The following GALNT13 variants were observed in gnomAD, a reference collection of about 807,000 sequenced individuals.
GALNT13 encodes polypeptide N-acetylgalactosaminyltransferase 13, also known as UDP-GalNAc:polypeptide N-acetylgalactosaminyltransferase 13.
In GALNT13, 28 loss-of-function variants were observed where a neutral mutation model predicts 64.2. The ratio of observed to expected loss-of-function variants is 0.44; its 90% CI spans 0.32 to 0.60. The LOEUF (loss-of-function observed/expected upper bound fraction) is 0.60. Ranked by LOEUF, GALNT13 falls within the 20% of genes least tolerant of loss-of-function variation. The pLI is 0.05. For missense variants in GALNT13, 577 were observed against 669.8 expected (o/e 0.86, Z 1.53); for synonymous variants, 214 against 224.6 (o/e 0.95, Z 0.42).
chr2:153,538,362 ATTTTATTTAT>A, the GALNT13 span, among the ~76,000 whole-genome samples: 35 of 59,996 alleles, frequency 5.8e-4, no homozygotes, highest in African/African-American at 2.3e-3. Context: ...ATTTATTTTT[ATTTTATTTAT>A]TTTATTTTAT....
intron 4 of GALNT13, among the ~76,000 whole-genome samples, chr2:154,212,665 C>T (rs1687842240): frequency 1.3e-5 from 2 of 151,926 alleles, no homozygotes; most frequent in African/African-American, 4.8e-5. Context: ...CTTCTCTTCT[C>T]CTCCCACTTT....
chr2:154,252,443 G>A (rs940260225), intron 7 of GALNT13, among the ~76,000 whole-genome samples: 2 of 150,826 alleles, frequency 1.3e-5, no homozygotes, highest in African/African-American at 2.4e-5. Context: ...CGCAAGCTCC[G>A]CCTCCCGGAT....
the GALNT13 span, among the ~76,000 whole-genome samples, chr2:153,656,246 A>G: frequency 3.9e-5 from 6 of 152,014 alleles, no homozygotes; most frequent in African/African-American, 1.4e-4. Context: ...ACACATTTCA[A>G]CTATGGTGAT....
the GALNT13 span, among the ~76,000 whole-genome samples, chr2:153,156,677 C>T: frequency 6.6e-6 from 1 of 152,262 alleles, no homozygotes; most frequent in Non-Finnish European, 1.5e-5. Flanking sequence ...GTGCAATTCC[C>T]TGCTCAAACA....
the GALNT13 span, among the ~76,000 whole-genome samples, chr2:153,190,062 T>C: frequency 1.3e-5 from 2 of 152,140 alleles, no homozygotes; most frequent in Non-Finnish European, 1.5e-5. Flanking sequence ...CTTTGTTGAT[T>C]ATTTCTTTTG....
At chr2:154,170,688 T>C (rs761355461) in intron 4 of GALNT13, among the ~76,000 whole-genome samples, 2 of 152,154 alleles carry the variant, frequency 1.3e-5, no homozygotes, top group Admixed American at 1.3e-4. Flanking sequence ...GTCATGGGAA[T>C]TAAATAAGAT....
In GALNT13 at chr2:154,452,854, A is replaced by G. The variant is rs1169609882; in HGVS notation, c.*2303A>G. 1 of 152,206 alleles carries G rather than the reference A, an allele frequency of 6.6e-6. No individual in the cohort carries two copies. The highest frequency in any genetic ancestry group is 1.5e-5 in the Non-Finnish European group (1 of 68,038). 9.4% of individuals were successfully genotyped at this position (152,206 alleles called of 1,614,324 possible). On this transcript the variant is annotated 3_prime_UTR_variant, in exon 13 of 13. Transcript: ENST00000392825. Reference sequence around the variant, plus strand: ...TTCAGTACAAAAAGTTAAAACCATGATTGGATTCATAATGCACTTGTCTTA... The same window carrying G: ...TTCAGTACAAAAAGTTAAAACCATGGTTGGATTCATAATGCACTTGTCTTA...
intron 3 of GALNT13, among the ~76,000 whole-genome samples, chr2:154,042,830 T>C (rs1187456006): frequency 6.6e-6 from 1 of 151,856 alleles, no homozygotes; most frequent in Non-Finnish European, 1.5e-5. Flanking sequence ...ATAATTTTTT[T>C]TCTACTATGT....
At chr2:154,125,238 A>G (rs930314150) in intron 3 of GALNT13, among the ~76,000 whole-genome samples, 3 of 152,156 alleles carry the variant, frequency 2.0e-5, no homozygotes, top group South Asian at 2.1e-4. Context: ...GAAATTTTCT[A>G]GTGGTACTAG....
At chr2:154,244,100 G>GT (rs113977244) in intron 6 of GALNT13, among the ~76,000 whole-genome samples, 3,647 of 149,090 alleles carry the variant, frequency 0.024, 107 homozygotes, top group African/African-American at 0.075. Context: ...ACATTATGTT[G>GT]TTTTTTTTTT....
the GALNT13 span, among the ~76,000 whole-genome samples, chr2:153,578,464 T>A: frequency 6.6e-6 from 1 of 152,208 alleles, no homozygotes; most frequent in African/African-American, 2.4e-5. Context: ...GCATTGCTTT[T>A]TAAGTCACAC....
At chr2:153,494,275 A>T in the GALNT13 span, among the ~76,000 whole-genome samples, 2 of 152,078 alleles carry the variant, frequency 1.3e-5, no homozygotes, top group Non-Finnish European at 2.9e-5. Flanking sequence ...GACTTTAAAA[A>T]AGTATAAATT....
chr2:153,500,287 G>A, the GALNT13 span, among the ~76,000 whole-genome samples: 2 of 152,090 alleles, frequency 1.3e-5, no homozygotes, highest in Admixed American at 6.6e-5. Flanking sequence ...AAGACAAGAA[G>A]AGACAACTGG....
chr2:153,723,927 C>G, the GALNT13 span, among the ~76,000 whole-genome samples: 257 of 150,864 alleles, frequency 1.7e-3, 3 homozygotes, highest in African/African-American at 6.0e-3. Context: ...CTACCAATGA[C>G]TTTCTTCACA....
chr2:153,758,998 T>A, the GALNT13 span, among the ~76,000 whole-genome samples: 1 of 152,204 alleles, frequency 6.6e-6, no homozygotes, highest in Non-Finnish European at 1.5e-5. Flanking sequence ...AAATTTTTAG[T>A]GTGCAAATCC....
the GALNT13 span, chr2:153,421,558 G>A: frequency 1.7e-5 from 4 of 234,760 alleles, no homozygotes; most frequent in African/African-American, 6.9e-5. Context: ...CACCAAAGCT[G>A]TGGAAAACCG....
rs2105971305 is a variant in GALNT13, at chr2:154,295,955, T to A, written c.976-5454T>A. Among the ~76,000 whole-genome samples, 2 of 152,358 alleles carry A rather than the reference T, an allele frequency of 1.3e-5. 1 individual carries two copies. Among genetic ancestry groups the A allele is most frequent in the East Asian group, 3.9e-4 (2 of 5,172 alleles). On this transcript the variant is annotated intron_variant, in intron 8 of 12. Coordinates refer to ENST00000392825, the MANE Select transcript of GALNT13 (RefSeq NM_052917.4). ...GGTGATTATCTTCTATACATAGTTT[T>A]ACTGTTTTCTTAAAACTGTGCTCAG...
chr2:153,617,668 A>G, the GALNT13 span, among the ~76,000 whole-genome samples: 13 of 151,858 alleles, frequency 8.6e-5, no homozygotes, highest in African/African-American at 1.4e-4. Flanking sequence ...ATTCAGCAAT[A>G]AAACCACTGG....
the GALNT13 span, among the ~76,000 whole-genome samples, chr2:153,184,503 T>G: frequency 6.6e-6 from 1 of 152,174 alleles, no homozygotes; most frequent in Non-Finnish European, 1.5e-5. Context: ...ACATCCAATA[T>G]TATGTTGAAT....
Sources: allele counts gnomAD v4.1 joint callset (sites outside exome capture counted in the v4.1 genomes callset), GRCh38; gene constraint gnomAD v4.1.1; transcripts MANE v1.5; gene names NCBI Gene and HGNC (gene_info 2026-07-23, HGNC 2026-07-21).